The following NBPF3 variants were observed in gnomAD, a reference collection of about 807,000 sequenced individuals.
NBPF3 encodes the protein NBPF family member NBPF3.
In NBPF3, 57 loss-of-function variants were observed where a neutral mutation model predicts 78.1. The observed-to-expected ratio is 0.73, with a 90% CI of 0.59 to 0.91. The LOEUF (loss-of-function observed/expected upper bound fraction) is 0.91. NBPF3 is among the 40% of genes least tolerant of loss of function. The pLI is 0.00. For missense variants in NBPF3, 510 were observed against 715.3 expected (o/e 0.71, Z 3.27); for synonymous variants, 182 against 271.7 (o/e 0.67, Z 3.25).
Position 21,484,370 on chromosome 1 carries a change from A to G in NBPF3, c.*984A>G, listed in dbSNP as rs1157097809. 1 of 124,926 alleles carries G rather than the reference A, an allele frequency of 8.0e-6. No homozygotes were observed. The highest frequency in any genetic ancestry group is 8.8e-5 in the Admixed American group (1 of 11,346). The allele number at this position is 124,926 out of a possible 1,614,324, so 7.7% of individuals were successfully genotyped here. ...TGTTGTTGTCATTGATTTTGGTGAC[A>G]TGGACTTGTTTGTAGAGGACAGGTC... On this transcript the variant is annotated 3_prime_UTR_variant, in exon 15 of 15. Transcript: ENST00000318249.
At position 21,473,471 on chromosome 1, in the gene NBPF3, T is replaced by A. The variant is rs1211749332; in HGVS notation, c.826T>A (p.Ser276Thr). The A allele has an allele frequency of 3.0e-5, 48 of 1,613,972 alleles. No individual in the cohort carries two copies. Among genetic ancestry groups the A allele is most frequent in the Non-Finnish European group, 4.1e-5 (48 of 1,180,014 alleles). ...TTCAAATAGCCACCACCCTTGTGAG[T>A]CCAACCAGCCTTACGGGAACACCAG... The part of the protein sequence containing the change: ...TCSNSHHPCE[S>T]NQPYGNTRIT... The change falls in exon 7 of 15, where the codon TCC becomes ACC. Residue 276 changes from serine to threonine, a missense_variant. Coordinates refer to ENST00000318249, the MANE Select transcript of NBPF3 (RefSeq NM_032264.6).
chr1:21,454,731 A>G (rs1245803637), intron 2 of NBPF3, among the ~76,000 whole-genome samples: 1 of 152,140 alleles, frequency 6.6e-6, no homozygotes, highest in East Asian at 1.9e-4. Flanking sequence ...TCCCTCTCCC[A>G]CCGTTTCCTT....
chr1:21,468,983 A>T (rs1558496438), intron 3 of NBPF3, 86 bp downstream of exon 3: 1 of 1,108,576 alleles, frequency 9.0e-7, no homozygotes. Flanking sequence ...TCCATCAAAA[A>T]TAAGTTCAAC....
intron 2 of NBPF3, chr1:21,453,546 C>T (rs538416164): frequency 6.6e-6 from 1 of 152,352 alleles, no homozygotes; most frequent in South Asian, 2.1e-4. Flanking sequence ...GTGAGAACAA[C>T]AGGGTTCTGG....
intron 8 of NBPF3, 81 bp downstream of exon 8, chr1:21,475,032 A>C (rs1642819197): frequency 7.9e-7 from 1 of 1,272,212 alleles, no homozygotes; most frequent in Admixed American, 1.8e-5. Context: ...GGAAGCAATG[A>C]ATAGAACTTT....
At position 21,470,747 on chromosome 1, in the gene NBPF3, C is replaced by G. The variant is rs754774708; in HGVS notation, c.446+13C>G. The G allele has an allele frequency of 3.8e-6, 6 of 1,580,766 alleles. No homozygotes were observed. The highest frequency in any genetic ancestry group is 1.3e-5 in the African/African-American group (1 of 74,122). On this transcript the variant is annotated intron_variant, in intron 4 of 14. Transcript: ENST00000318249. ...CTGAGGAGCTCAGGTGAGTGGGCCCCCTGGGGTCAGGCAGGTGGGCAGGTG... is the reference window on the plus strand; with the variant it reads ...CTGAGGAGCTCAGGTGAGTGGGCCCGCTGGGGTCAGGCAGGTGGGCAGGTG...
chr1:21,450,288 G>GTC (rs1283462834), intron 2 of NBPF3, among the ~76,000 whole-genome samples: 1 of 152,214 alleles, frequency 6.6e-6, no homozygotes, highest in Non-Finnish European at 1.5e-5. Flanking sequence ...TCTGACTCCA[G>GTC]AGGCAACCTG....
intron 2 of NBPF3, among the ~76,000 whole-genome samples, chr1:21,466,774 T>C (rs534770720): frequency 1.3e-5 from 2 of 152,224 alleles, no homozygotes; most frequent in Non-Finnish European, 2.9e-5. Flanking sequence ...CATGATTTGC[T>C]ATCCCTCCTC....
At chr1:21,466,373 T>TA (rs1254546384) in intron 2 of NBPF3, among the ~76,000 whole-genome samples, 1 of 152,292 alleles carries the variant, frequency 6.6e-6, no homozygotes, top group Non-Finnish European at 1.5e-5. Flanking sequence ...GCATAAAACC[T>TA]AAACCACTGC....
intron 3 of NBPF3, 43 bp downstream of exon 3, chr1:21,468,940 T>C (rs1283355903): frequency 1.5e-6 from 2 of 1,290,398 alleles, no homozygotes; most frequent in Non-Finnish European, 1.1e-6. Flanking sequence ...ATGAATGATG[T>C]CCTGTCTTCT....
upstream of NBPF3, chr1:21,437,492 G>T (rs1438545898): frequency 2.0e-6 from 3 of 1,463,430 alleles, no homozygotes; most frequent in African/African-American, 1.4e-5. Context: ...CGCCCAGCGC[G>T]AGGTGCAGCG....
In NBPF3 at chr1:21,478,206, C is replaced by G; in HGVS notation, c.1055C>G (p.Thr352Ser). The G allele has an allele frequency of 6.2e-7, 1 of 1,614,200 alleles. No individual in the cohort carries two copies. The highest frequency in any genetic ancestry group is 1.1e-5 in the South Asian group (1 of 91,086). Residue 352 changes from threonine (T) to serine (S), a missense_variant, in exon 9 of 15, where the codon ACT becomes AGT. Physicochemically the swap from Thr to Ser is moderately conservative, Grantham distance 58. Around this residue, in one of 5 missense-constraint regions of NBPF3, gnomAD observed 440 missense variants for 478.2 expected, o/e 0.92. Coordinates refer to ENST00000318249, the MANE Select transcript of NBPF3 (RefSeq NM_032264.6). ...PQESWDEGDW[T>S]LSIPPDMSAS... ...GAGTCCTGGGATGAAGGTGATTGGA[C>G]TCTCTCAATTCCTCCTGACATGTCT...
In NBPF3 at chr1:21,481,473, C is replaced by T. The variant is rs911793682; in HGVS notation, c.1434-124C>T. On this transcript the variant is annotated intron_variant, in intron 12 of 14. Coordinates refer to ENST00000318249, the MANE Select transcript of NBPF3 (RefSeq NM_032264.6). ...CCCAACTGAGGGCAATAATTTGTTA[C>T]CTCATTAATGGATGTATCCTTTTTC... is the stretch of plus-strand genomic sequence containing the variant. The T allele has an allele frequency of 1.5e-5, 18 of 1,215,282 alleles. No homozygotes were observed. In the Admixed American group the frequency reaches 4.2e-4, roughly 28 times the overall value. The allele number at this position is 1,215,282 out of a possible 1,614,324, so 75.3% of individuals were successfully genotyped here. A position where few individuals can be genotyped will look rare whatever the true frequency, so the allele number is the denominator to read the frequency against.
intron 2 of NBPF3, among the ~76,000 whole-genome samples, chr1:21,450,494 T>G (rs58431050): frequency 0.16 from 23,685 of 152,146 alleles, 2,368 homozygotes; most frequent in Non-Finnish European, 0.22. Context: ...TATAACATCA[T>G]AATCACAGGA....
intron 6 of NBPF3, 127 bp downstream of exon 6, chr1:21,473,042 C>A: frequency 1.3e-6 from 1 of 787,886 alleles, no homozygotes; most frequent in South Asian, 1.6e-5. Context: ...ATGAGAAACT[C>A]AAGCCAGCTT....
intron 2 of NBPF3, among the ~76,000 whole-genome samples, chr1:21,452,547 T>C (rs189485535): frequency 4.6e-5 from 7 of 152,216 alleles, no homozygotes; most frequent in African/African-American, 9.7e-5. Context: ...CCAAAATTCA[T>C]TGGAGATTAT....
intron 2 of NBPF3, chr1:21,459,857 G>GC (rs1450441014): frequency 3.9e-6 from 1 of 253,470 alleles, no homozygotes; most frequent in East Asian, 1.1e-4. Flanking sequence ...GCAGCAGTGA[G>GC]TCCAGGACCA....
chr1:21,436,855 GGA>G, upstream of NBPF3: 1 of 780,816 alleles, frequency 1.3e-6, no homozygotes, highest in Non-Finnish European at 1.8e-6. This position sits in a 1 kb window ranked among gnomAD's most constrained non-coding sequence, Gnocchi z 4.3. Flanking sequence ...AGGCCCGGGG[GGA>G]GGGGCTCGCG....
At chr1:21,467,215 CA>C (rs1468100297) in intron 2 of NBPF3, 1 of 985,316 alleles carries the variant, frequency 1.0e-6, no homozygotes, top group African/African-American at 1.7e-5. Context: ...TGCAGAGAGA[CA>C]TGCTTTGAAA....
Sources: gnomAD v4.1 joint callset for allele counts (sites outside exome capture counted in the v4.1 genomes callset) on GRCh38, gnomAD v4.1.1 for gene constraint, gnomAD v4.1.1 regional missense constraint, Gnocchi (gnomAD v3.1) non-coding constraint, MANE v1.5 for transcripts, NCBI Gene and HGNC (gene_info 2026-07-23, HGNC 2026-07-21) for gene names.